The following CYRIB variants were observed in gnomAD, a reference collection of about 807,000 sequenced individuals.
CYRIB encodes the protein CYFIP related Rac1 interactor B, also known as CYFIP-related Rac1 interactor B.
Under a neutral mutation model 44.2 loss-of-function variants are expected in CYRIB, and 8 were observed. The ratio of observed to expected loss-of-function variants is 0.18; its 90% CI spans 0.11 to 0.33. The LOEUF is 0.33. Among genes scored for constraint, CYRIB ranks in the 10% least tolerant of loss-of-function variants. The probability of loss-of-function intolerance (pLI) is 1.00; values close to 1 mark genes in which losing one functional copy is unlikely to be tolerated. For missense variants in CYRIB, 185 were observed against 382.8 expected (o/e 0.48, Z 4.31); for synonymous variants, 131 against 127.2 (o/e 1.03, Z -0.20).
intron 1 of CYRIB, among the ~76,000 whole-genome samples, chr8:130,003,995 C>G (rs1042724420): frequency 1.3e-5 from 2 of 152,056 alleles, no homozygotes; most frequent in Non-Finnish European, 2.9e-5. Flanking sequence ...CTGCGGTAAC[C>G]AAAAAGACTC....
chr8:129,868,871 C>T (rs540265886), intron 4 of CYRIB, among the ~76,000 whole-genome samples: 9 of 147,652 alleles, frequency 6.1e-5, no homozygotes, highest in Admixed American at 3.4e-4. Flanking sequence ...AATAATTCTC[C>T]CAATGGGAAG....
rs911828375 is a variant in CYRIB, at chr8:129,870,999, G to A, written c.195+376C>T. On this transcript the variant is annotated intron_variant, in intron 4 of 11. Transcript: ENST00000519824. The stretch of plus-strand genomic sequence containing the variant: ...AAACCTGAAAAAGTTCAGCAGTTTG[G>A]GAGAGGAAAGTTGAGGGAGACCACA... Among the ~76,000 whole-genome samples, 8 of 152,228 alleles carry A rather than the reference G, an allele frequency of 5.3e-5. No homozygotes were observed. In the South Asian group the frequency reaches 1.7e-3, roughly 32 times the overall value.
chr8:129,915,561 T>A (rs978880634), intron 1 of CYRIB, among the ~76,000 whole-genome samples: 1 of 152,114 alleles, frequency 6.6e-6, no homozygotes, highest in Non-Finnish European at 1.5e-5. Context: ...TAGGGGCAGG[T>A]AGGGTGGATA....
chr8:129,856,246 A>G (rs2046167586), intron 5 of CYRIB, among the ~76,000 whole-genome samples: 2 of 152,196 alleles, frequency 1.3e-5, no homozygotes, highest in East Asian at 1.9e-4. Context: ...TTCAGCTACT[A>G]AAGAGAACAA....
At chr8:129,848,480 C>T (rs1349602662) in intron 10 of CYRIB, among the ~76,000 whole-genome samples, 1 of 152,110 alleles carries the variant, frequency 6.6e-6, no homozygotes, top group Admixed American at 6.5e-5. Context: ...GAAGAAAAGT[C>T]GAGAGCCAAC....
intron 2 of CYRIB, among the ~76,000 whole-genome samples, chr8:129,883,305 C>T (rs2061492450): frequency 6.6e-6 from 1 of 151,826 alleles, no homozygotes; most frequent in African/African-American, 2.4e-5. Flanking sequence ...CCCATACAAG[C>T]TGTGACAATC....
intron 1 of CYRIB, among the ~76,000 whole-genome samples, chr8:129,930,365 T>TTATATATATATATATATATATATATA (rs1554659983): frequency 0.022 from 1,127 of 50,170 alleles, 162 homozygotes; most frequent in African/African-American, 0.048. Context: ...TGTGAAGTGC[T>TTATATATATATATATATATATATATA]TATATATATA....
At chr8:130,006,669 T>TATAC (rs1431160973) in intron 1 of CYRIB, among the ~76,000 whole-genome samples, 1 of 135,076 alleles carries the variant, frequency 7.4e-6, no homozygotes, top group Non-Finnish European at 1.6e-5. Context: ...TATGTATATA[T>TATAC]ATATGTATAT....
chr8:129,855,614 G>C (rs1355400412), exon 6 of CYRIB: 1 of 1,613,872 alleles, frequency 6.2e-7, no homozygotes, highest in Non-Finnish European at 8.5e-7. Context: ...ATTCTACCTT[G>C]AGTTCATCAA....
In CYRIB at chr8:129,916,863, A is replaced by C. The variant is rs1043474785; in HGVS notation, c.-49-13513T>G. 2.6e-5 allele frequency among the ~76,000 whole-genome samples: 4 copies of C among 152,244 alleles called. No individual in the cohort carries two copies. In the East Asian group the frequency reaches 7.7e-4, roughly 29 times the overall value. The stretch of plus-strand genomic sequence containing the variant: ...CGAAGGGAAACAGCATAGCATATAT[A>C]GGTAGAAAAGTTTTAGTCTAGAGGC... On this transcript the variant is annotated intron_variant, in intron 1 of 11. Transcript: ENST00000519824.
At chr8:129,862,296 C>T (rs747314122) in exon 5 of CYRIB, 1 of 1,613,718 alleles carries the variant, frequency 6.2e-7, no homozygotes. Flanking sequence ...CACCCCATGC[C>T]TTCTCTTGCA....
chr8:129,936,457 A>G (rs1318493594), intron 1 of CYRIB, among the ~76,000 whole-genome samples: 1 of 152,218 alleles, frequency 6.6e-6, no homozygotes, highest in Non-Finnish European at 1.5e-5. Context: ...GCCAGGATTT[A>G]GTGAACTGAT....
At chr8:129,876,577 G>A (rs1478874689) in intron 3 of CYRIB, among the ~76,000 whole-genome samples, 2 of 152,132 alleles carry the variant, frequency 1.3e-5, no homozygotes, top group Non-Finnish European at 2.9e-5. Flanking sequence ...AAGGAATAAT[G>A]ATTTACTTTA....
In CYRIB at chr8:129,949,696, C is replaced by A. The variant is rs567190649; in HGVS notation, c.-243+21247G>T. 2.0e-5 allele frequency among the ~76,000 whole-genome samples: 3 copies of A among 151,572 alleles called. No individual in the cohort carries two copies. The South Asian group carries it at 6.3e-4, about 32-fold the overall frequency. ...CAGCCTGACCAACACATAGAGAAAC[C>A]CTGTCTCTACTAAAAAAAAAAAAAT... is the stretch of plus-strand genomic sequence containing the variant. On this transcript the variant is annotated intron_variant, in intron 2 of 14. Coordinates refer to the CYRIB transcript ENST00000401979.
At chr8:129,964,593 G>C (rs73398756) in intron 2 of CYRIB, among the ~76,000 whole-genome samples, 5,668 of 152,136 alleles carry the variant, frequency 0.037, 363 homozygotes, top group African/African-American at 0.13. Flanking sequence ...CTTGAAAATG[G>C]GATTATCGGG....
chr8:129,967,504 C>T (rs970680102), intron 2 of CYRIB, among the ~76,000 whole-genome samples: 2 of 151,940 alleles, frequency 1.3e-5, no homozygotes, highest in Admixed American at 6.6e-5. Flanking sequence ...TTCAGCCTCC[C>T]GAGTAGCTGG....
At chr8:130,000,983 C>T (rs184060817) in intron 1 of CYRIB, among the ~76,000 whole-genome samples, 2 of 152,190 alleles carry the variant, frequency 1.3e-5, no homozygotes, top group Non-Finnish European at 2.9e-5. Context: ...TGGTACCTAC[C>T]TACCAGGTAC....
At chr8:129,916,042 C>T (rs1041170483) in intron 1 of CYRIB, among the ~76,000 whole-genome samples, 4 of 152,142 alleles carry the variant, frequency 2.6e-5, no homozygotes, top group African/African-American at 9.7e-5. Context: ...AATTTAAAAT[C>T]ATATCTTGTC....
At chr8:129,890,373 C>G (rs553210181) in intron 2 of CYRIB, 1 of 152,202 alleles carries the variant, frequency 6.6e-6, no homozygotes, top group East Asian at 1.9e-4. Flanking sequence ...AACATCCAGG[C>G]AAGACCCTCC....
Sources: allele counts gnomAD v4.1 joint callset (sites outside exome capture counted in the v4.1 genomes callset), GRCh38; gene constraint gnomAD v4.1.1; transcripts MANE v1.5; gene names NCBI Gene and HGNC (gene_info 2026-07-23, HGNC 2026-07-21).